The following MEI1 variants were observed in gnomAD, a reference collection of about 807,000 sequenced individuals.
MEI1 encodes the protein meiotic double-stranded break formation protein 1, also known as meiosis inhibitor protein 1.
Under a neutral mutation model 146.2 loss-of-function variants are expected in MEI1, and 103 were observed. The ratio of observed to expected loss-of-function variants is 0.70; its 90% CI spans 0.60 to 0.83. The LOEUF (loss-of-function observed/expected upper bound fraction) is 0.83, where lower values mean the gene tolerates loss of function less well. Ranked by LOEUF, MEI1 falls within the 40% of genes least tolerant of loss-of-function variation. MEI1 has a pLI of 0.00. For synonymous variants in MEI1, 652 were observed against 628.2 expected (o/e 1.04, Z -0.57); for missense variants, 1,529 against 1,533.0 (o/e 1.00, Z 0.04).
At chr22:41,743,655 CTG>C (rs1206887621) in intron 12 of MEI1, among the ~76,000 whole-genome samples, 4 of 152,206 alleles carry the variant, frequency 2.6e-5, no homozygotes, top group African/African-American at 9.7e-5. Flanking sequence ...AGGAAAGACA[CTG>C]TCAGTGTGAA....
At chr22:41,699,897 C>A (rs543092573) in intron 1 of MEI1, among the ~76,000 whole-genome samples, 185 bp downstream of exon 1, 1 of 152,346 alleles carries the variant, frequency 6.6e-6, no homozygotes, top group African/African-American at 2.4e-5. Flanking sequence ...GCCCCTCAGC[C>A]CCAGGCCGGC....
chr22:41,753,897 C>T, intron 16 of MEI1, 52 bp from the exon 17 acceptor site: 1 of 1,320,042 alleles, frequency 7.6e-7, no homozygotes, highest in Non-Finnish European at 1.1e-6. Flanking sequence ...AATGCTCTCC[C>T]AGCCAAAGTA....
chr22:41,699,549 G>A lies in MEI1; in HGVS notation c.11G>A (p.Arg4Lys), dbSNP rs2068528556. 4 of 1,611,320 alleles carry A rather than the reference G, an allele frequency of 2.5e-6. No individual in the cohort carries two copies. The highest frequency in any genetic ancestry group is 3.4e-6 in the Non-Finnish European group (4 of 1,178,812). ...AGGGCAAGCGAGGAGATGGCTGTGA[G>A]GCAGGCGGCGACGGCGGGCACTCCC... MAV[R>K]QAATAGTPGP... The change falls in exon 1 of 31, where the codon AGG becomes AAG. Residue 4 changes from arginine to lysine, a missense_variant. By Grantham distance (26) the Arg-to-Lys change is conservative. Transcript: ENST00000401548.
In MEI1 at chr22:41,743,164, T is replaced by G. The variant is rs754803574; in HGVS notation, c.1416T>G (p.Phe472Leu). 6.2e-7 allele frequency: 1 copy of G among 1,613,156 alleles called. No individual in the cohort carries two copies. Reference sequence around the variant, plus strand: ...CCATGCTAAACCGATGTGCGGAGTTTTCCCAGACCTTGCTGAGCAGGAGGC... The same window carrying G: ...CCATGCTAAACCGATGTGCGGAGTTGTCCCAGACCTTGCTGAGCAGGAGGC... ...LEAMLNRCAE[F>L]SQTLLSRRPL... Residue 472 changes from phenylalanine (F) to leucine (L), a missense_variant, in exon 12 of 31, where the codon TTT becomes TTG. Physicochemically the swap from Phe to Leu is conservative, Grantham distance 22 (BLOSUM62 0). This residue lies in a region of MEI1 where 1,212 missense variants were observed against 1,178.9 expected (regional missense o/e 1.03). Coordinates refer to ENST00000401548, the MANE Select transcript of MEI1 (RefSeq NM_152513.4).
intron 4 of MEI1, among the ~76,000 whole-genome samples, chr22:41,714,700 G>A (rs1057228914): frequency 5.8e-5 from 8 of 137,314 alleles, no homozygotes; most frequent in Admixed American, 2.2e-4. Context: ...GTGAAACCCC[G>A]TCTCTACTAA....
intron 17 of MEI1, among the ~76,000 whole-genome samples, chr22:41,757,701 C>T (rs2074187911): frequency 6.6e-6 from 1 of 152,056 alleles, no homozygotes; most frequent in Admixed American, 6.6e-5. Flanking sequence ...GTCACTCCCT[C>T]CTCAATATAG....
chr22:41,767,353 G>A (rs1407332302), intron 19 of MEI1, among the ~76,000 whole-genome samples: 3 of 152,170 alleles, frequency 2.0e-5, no homozygotes, highest in Non-Finnish European at 2.9e-5. Context: ...CCTTCCTGGC[G>A]AGATCTCCTT....
At chr22:41,721,237 CTTTTTTTTTTT>C (rs984702207) in intron 6 of MEI1, among the ~76,000 whole-genome samples, 11 of 70,484 alleles carry the variant, frequency 1.6e-4, no homozygotes, top group African/African-American at 4.1e-4. Context: ...CACGCCCGTT[CTTTTTTTTTTT>C]TTTTTTTTTT....
intron 30 of MEI1, among the ~76,000 whole-genome samples, chr22:41,798,012 T>C (rs928122194): frequency 7.2e-5 from 11 of 152,138 alleles, no homozygotes; most frequent in African/African-American, 2.7e-4. Context: ...CAGATTTGCC[T>C]GTCTCCAAAG....
Position 41,748,099 on chromosome 22 carries a change from C to G in MEI1, c.1681-8C>G, listed in dbSNP as rs1305818985. 6.2e-7 allele frequency: 1 copy of G among 1,603,814 alleles called. No homozygotes were observed. On this transcript the variant is annotated splice_polypyrimidine_tract_variant and splice_region_variant and intron_variant, in intron 14 of 30. Coordinates refer to ENST00000401548, the MANE Select transcript of MEI1 (RefSeq NM_152513.4). The stretch of plus-strand genomic sequence containing the variant: ...GTGGGCTGTGTTCTCTCTCCTGGTT[C>G]TTTGCAGAGACACTTGGAGCAGACC...
Position 41,732,484 on chromosome 22 carries a change from C to T in MEI1, c.1212C>T (p.Ile404=). 1 of 1,613,892 alleles carries T rather than the reference C, an allele frequency of 6.2e-7. No homozygotes were observed. Among genetic ancestry groups the T allele is most frequent in the South Asian group, 1.1e-5 (1 of 91,076 alleles). Residue 404 remains isoleucine, a synonymous_variant, in exon 11 of 31, where the codon ATC becomes ATT. Transcript: ENST00000401548. ...AEILTRQPEE[I]KLFTSSAMCR... is the part of the protein sequence containing the mutation. ...CATTTCTCAGGCAGCCAGAGGAGATCAAGCTGTTCACAAGCTCAGCCATGT... is the reference window on the plus strand; with the variant it reads ...CATTTCTCAGGCAGCCAGAGGAGATTAAGCTGTTCACAAGCTCAGCCATGT...
rs527770255 is a variant in MEI1, at chr22:41,753,401, G to C, written c.1854-548G>C. ...GAGGCTGAGGCGAGAGGATCCTTGA[G>C]CTTATGAGGTCAAAGCAGCAGTGAG... On this transcript the variant is annotated intron_variant, in intron 16 of 30. Coordinates refer to ENST00000401548, the MANE Select transcript of MEI1 (RefSeq NM_152513.4). Among the ~76,000 whole-genome samples, 38 of 152,192 alleles carry C rather than the reference G, an allele frequency of 2.5e-4. No individual in the cohort carries two copies. The Middle Eastern group carries it at 0.014, about 54-fold the overall frequency.
At chr22:41,709,093 G>T in intron 3 of MEI1, 1 of 580,948 alleles carries the variant, frequency 1.7e-6, no homozygotes, top group East Asian at 3.2e-5. Flanking sequence ...AAATATAACA[G>T]TGAAGTGTTC....
intron 1 of MEI1, 78 bp downstream of exon 1, chr22:41,699,790 C>A: frequency 6.9e-7 from 1 of 1,456,256 alleles, no homozygotes; most frequent in Non-Finnish European, 9.1e-7. Context: ...CCTTGCCAGA[C>A]CCGCTCCGGT....
chr22:41,797,867 GC>G (rs1365607381), intron 30 of MEI1, among the ~76,000 whole-genome samples: 1 of 152,134 alleles, frequency 6.6e-6, no homozygotes, highest in African/African-American at 2.4e-5. Context: ...ACCAAAAACA[GC>G]TCCTGGCTTG....
chr22:41,787,269 G>A lies in MEI1; in HGVS notation c.3345+2486G>A, dbSNP rs541889328. ...AACATCATAGTAGAATATTGGCTGG[G>A]ACTCTGGAACAGAATGGGCTTTTTT... On this transcript the variant is annotated intron_variant, in intron 26 of 30. Transcript: ENST00000401548. Among the ~76,000 whole-genome samples, 13 of 152,270 alleles carry A rather than the reference G, an allele frequency of 8.5e-5. 1 individual carries two copies. In the South Asian group the frequency reaches 2.7e-3, roughly 32 times the overall value.
intron 3 of MEI1, among the ~76,000 whole-genome samples, chr22:41,712,245 G>GTTTTT (rs1413445773): frequency 3.5e-5 from 4 of 114,610 alleles, no homozygotes; most frequent in African/African-American, 1.4e-4. Context: ...TTGTTTGTTT[G>GTTTTT]TTTCTTTGAT....
rs535311009 is a variant in MEI1, at chr22:41,751,223, A to G, written c.1793-1368A>G. Among the ~76,000 whole-genome samples the G allele has an allele frequency of 7.9e-5, 12 of 152,288 alleles. No individual in the cohort carries two copies. In the East Asian group the frequency reaches 1.9e-3, roughly 24 times the overall value. ...CTTGGTGCCCCTTCCTGGGAAAGTC[A>G]TGGGTTAAATTGTTGCCCCAGAGAG... On this transcript the variant is annotated intron_variant, in intron 15 of 30. Transcript: ENST00000401548.
rs530941545 is a variant in MEI1 at position 41,752,320 on chromosome 22, CACTT to C, written c.1793-266_1793-263del. On this transcript the variant is annotated intron_variant, in intron 15 of 30. Transcript: ENST00000401548. ...GGAAGAAAATGAACACTTATTGCAG[CACTT>C]ACTTTGAGCCAAGTATTTGTTAGAT... 6.5e-4 allele frequency: 276 copies of C among 426,316 alleles called. 1 individual carries two copies. The highest frequency in any genetic ancestry group is 5.2e-3 in the African/African-American group (262 of 50,712). The allele number at this position is 426,316 out of a possible 1,614,324, so 26.4% of individuals were successfully genotyped here.
Sources: allele counts gnomAD v4.1 joint callset (sites outside exome capture counted in the v4.1 genomes callset), GRCh38; gene constraint gnomAD v4.1.1; regional missense constraint gnomAD v4.1.1; transcripts MANE v1.5; gene names NCBI Gene and HGNC (gene_info 2026-07-23, HGNC 2026-07-21).